EYS: variants seen among roughly 807,000 people sequenced by gnomAD.
The protein encoded by EYS is EGF-like photoreceptor maintenance factor.
In EYS, 250 loss-of-function variants were observed where a neutral mutation model predicts 282.1. The observed-to-expected ratio is 0.89, with a 90% CI of 0.80 to 0.98. The LOEUF is 0.98. Among genes scored for constraint, EYS ranks in the 50% least tolerant of loss-of-function variants. EYS has a pLI of 0.00. For missense variants in EYS, 4,016 were observed against 3,709.0 expected, an observed-to-expected ratio of 1.08 and a Z score of -2.15; for synonymous variants, 1,355 against 1,282.9, an observed-to-expected ratio of 1.06 and a Z score of -1.20.
intron 29 of EYS, among the ~76,000 whole-genome samples, chr6:64,335,796 C>A (rs758363201): frequency 2.6e-5 from 4 of 152,054 alleles, no homozygotes; most frequent in Non-Finnish European, 5.9e-5. Context: ...AACTCTACAA[C>A]CTAGAGTAGA....
chr6:65,579,876 G>A (rs1764811208), intron 2 of EYS, among the ~76,000 whole-genome samples: 1 of 152,078 alleles, frequency 6.6e-6, no homozygotes, highest in Non-Finnish European at 1.5e-5. Context: ...ACAAAAAAGG[G>A]AAGGAGACGT....
At chr6:64,348,804 T>C (rs1022092055) in intron 29 of EYS, among the ~76,000 whole-genome samples, 1 of 151,430 alleles carries the variant, frequency 6.6e-6, no homozygotes. Flanking sequence ...ACAGCAGACA[T>C]CATGCTCTCC....
intron 19 of EYS, among the ~76,000 whole-genome samples, chr6:64,886,049 A>T (rs1485234127): frequency 1.4e-5 from 2 of 147,862 alleles, no homozygotes; most frequent in African/African-American, 4.9e-5. Flanking sequence ...AAAAATACAT[A>T]TGAAACAAAA....
Position 64,104,532 on chromosome 6 carries a change from G to T in EYS, c.6425-22530C>A, listed in dbSNP as rs185238964. On this transcript the variant is annotated intron_variant, in intron 31 of 42. Transcript: ENST00000503581. ...AGCTAAAATCTTGCTTCAGGTTGTA[G>T]GTGCCTTGAATATGGGATGAACTGA... Among the ~76,000 whole-genome samples, 170 of 152,218 alleles carry T rather than the reference G, an allele frequency of 1.1e-3. 1 individual carries two copies. Among genetic ancestry groups the T allele is most frequent in the South Asian group, 4.6e-3 (22 of 4,826 alleles).
At chr6:63,827,846 G>C (rs1198113387) in intron 36 of EYS, among the ~76,000 whole-genome samples, 1 of 46,948 alleles carries the variant, frequency 2.1e-5, no homozygotes, top group Non-Finnish European at 3.7e-5. Context: ...GCAAGACTCC[G>C]TCTCAAAAAA....
Position 65,433,647 on chromosome 6 carries a change from T to C in EYS, c.863-28280A>G, listed in dbSNP as rs1431341855. Among the ~76,000 whole-genome samples, 5 of 152,332 alleles carry C rather than the reference T, an allele frequency of 3.3e-5. No homozygotes were observed. The South Asian group carries it at 1.0e-3, about 32-fold the overall frequency. ...ACTCTTAGGGACAGATTTAGTACGT[T>C]ATTCAGAAGGCAAAATAGAAATATT... is the stretch of plus-strand genomic sequence containing the variant. On this transcript the variant is annotated intron_variant, in intron 5 of 42. Transcript: ENST00000503581.
intron 30 of EYS, among the ~76,000 whole-genome samples, chr6:64,272,082 T>C (rs1767961342): frequency 6.6e-6 from 1 of 152,166 alleles, no homozygotes; most frequent in South Asian, 2.1e-4. Context: ...AGGAAGGCAA[T>C]TCACTCTACT....
intron 12 of EYS, among the ~76,000 whole-genome samples, chr6:65,155,442 T>C (rs529178632): frequency 1.3e-5 from 2 of 151,514 alleles, no homozygotes; most frequent in African/African-American, 4.8e-5. Flanking sequence ...GCAATTGCTA[T>C]TACTGATCAT....
At chr6:63,803,251 C>CT (rs773877468) in intron 37 of EYS, among the ~76,000 whole-genome samples, 5,168 of 135,484 alleles carry the variant, frequency 0.038, 120 homozygotes, top group African/African-American at 0.068. Flanking sequence ...ATTTGCCAGG[C>CT]TTTTTTTTTT....
rs1421344948 is a variant in EYS at position 64,469,515 on chromosome 6, CATA to C, written c.5645-30166_5645-30164del. Among the ~76,000 whole-genome samples, 7 of 152,218 alleles carry C rather than the reference CATA, an allele frequency of 4.6e-5. No homozygotes were observed. In the South Asian group the frequency reaches 8.3e-4, roughly 18 times the overall value. ...CATACAGAGATAGGAGCTGAGGGGA[CATA>C]ATGAGAAGTGACCAGAAGACAAGAG... On this transcript the variant is annotated intron_variant, in intron 26 of 42. Coordinates refer to ENST00000503581, the MANE Select transcript of EYS (RefSeq NM_001142800.2).
intron 13 of EYS, among the ~76,000 whole-genome samples, chr6:65,037,193 T>C (rs1772796444): frequency 6.6e-6 from 1 of 151,792 alleles, no homozygotes; most frequent in Non-Finnish European, 1.5e-5. Context: ...ATTATCTTAA[T>C]TGAATTAATG....
At chr6:64,238,983 A>G (rs1009636865) in intron 30 of EYS, among the ~76,000 whole-genome samples, 1 of 152,068 alleles carries the variant, frequency 6.6e-6, no homozygotes, top group South Asian at 2.1e-4. Context: ...ACTCCCACTT[A>G]TGAGTGAGAA....
chr6:65,190,216 T>C (rs1765608891), intron 12 of EYS, among the ~76,000 whole-genome samples: 2 of 149,640 alleles, frequency 1.3e-5, no homozygotes, highest in African/African-American at 4.9e-5. Flanking sequence ...ACATAAAATA[T>C]ATAAATATGT....
chr6:65,704,975 T>C (rs1769822869), intron 1 of EYS, among the ~76,000 whole-genome samples: 1 of 152,214 alleles, frequency 6.6e-6, no homozygotes. Flanking sequence ...TATTTAAAAA[T>C]AGAATTTCCT....
chr6:65,583,743 T>C (rs1034808792), intron 2 of EYS, among the ~76,000 whole-genome samples: 1 of 152,092 alleles, frequency 6.6e-6, no homozygotes, highest in African/African-American at 2.4e-5. Context: ...CTTCCTATTA[T>C]TTTCTTTAAA....
chr6:63,731,871 A>G (rs1265369337), intron 41 of EYS, among the ~76,000 whole-genome samples: 1 of 152,122 alleles, frequency 6.6e-6, no homozygotes, highest in Non-Finnish European at 1.5e-5. Context: ...TATTGAACAG[A>G]ATGAAGAATG....
intron 26 of EYS, among the ~76,000 whole-genome samples, chr6:64,498,612 C>T (rs1207680387): frequency 2.0e-5 from 3 of 151,956 alleles, no homozygotes; most frequent in Admixed American, 6.6e-5. Flanking sequence ...CCCTAATGCC[C>T]TCCCTCCCCT....
At chr6:64,356,889 G>GA (rs1351886397) in intron 29 of EYS, among the ~76,000 whole-genome samples, 1 of 151,532 alleles carries the variant, frequency 6.6e-6, no homozygotes, top group Non-Finnish European at 1.5e-5. Flanking sequence ...GTGAGCTGTG[G>GA]AAAACCTGTC....
At chr6:64,045,513 T>C (rs997928518) in intron 33 of EYS, among the ~76,000 whole-genome samples, 2 of 151,540 alleles carry the variant, frequency 1.3e-5, no homozygotes, top group African/African-American at 4.8e-5. Context: ...TGGCATGATC[T>C]TGGCTCACTG....
Sources: allele counts gnomAD v4.1 joint callset (sites outside exome capture counted in the v4.1 genomes callset), GRCh38; gene constraint gnomAD v4.1.1; transcripts MANE v1.5; gene names NCBI Gene and HGNC (gene_info 2026-07-23, HGNC 2026-07-21).